The following ADGRL3 variants were observed in gnomAD, a reference collection of about 807,000 sequenced individuals.
ADGRL3 encodes adhesion G protein-coupled receptor L3, also known as calcium-independent alpha-latrotoxin receptor 3.
ADGRL3 carries 62 observed loss-of-function variants against 153.5 expected under a neutral mutation model. The ratio of observed to expected loss-of-function variants is 0.40; its 90% CI spans 0.33 to 0.50. The LOEUF (loss-of-function observed/expected upper bound fraction) is 0.50. Among genes scored for constraint, ADGRL3 ranks in the 20% least tolerant of loss-of-function variants. ADGRL3 has a pLI of 0.47. For missense variants in ADGRL3, 1,641 were observed against 1,859.4 expected, an observed-to-expected ratio of 0.88 and a Z score of 2.16; for synonymous variants, 710 against 672.5, an observed-to-expected ratio of 1.06 and a Z score of -0.86.
intron 13 of ADGRL3, among the ~76,000 whole-genome samples, chr4:61,928,620 T>C (rs561803228): frequency 6.6e-6 from 1 of 152,310 alleles, no homozygotes; most frequent in East Asian, 1.9e-4. Flanking sequence ...TATGGAAAAC[T>C]TTTTATAAGA....
rs181057450 is a variant in ADGRL3 at position 61,241,553 on chromosome 4, A to G, written c.-240+39788A>G. ...TTGTAAATAAATTAATTCTTATTTC[A>G]TATTTGATTTTTATTAAATTTATAG... On this transcript the variant is annotated intron_variant, in intron 1 of 26. Coordinates refer to ENST00000683033, the MANE Select transcript of ADGRL3 (RefSeq NM_001387552.1). 4.5e-3 allele frequency among the ~76,000 whole-genome samples: 683 copies of G among 152,156 alleles called. 1 individual carries two copies. Among genetic ancestry groups the G allele is most frequent in the African/African-American group, 0.015 (626 of 41,548 alleles).
intron 1 of ADGRL3, among the ~76,000 whole-genome samples, chr4:61,312,078 T>C (rs1364416521): frequency 6.6e-6 from 1 of 151,920 alleles, no homozygotes; most frequent in Non-Finnish European, 1.5e-5. Context: ...TTTAAAAAAA[T>C]AAATGGAACA....
intron 25 of ADGRL3, among the ~76,000 whole-genome samples, chr4:62,046,402 G>A (rs763292153): frequency 6.6e-6 from 1 of 151,768 alleles, no homozygotes; most frequent in Non-Finnish European, 1.5e-5. Flanking sequence ...ACTATATAAC[G>A]CTACTAGTTT....
At chr4:61,207,924 T>C (rs566172946) in intron 1 of ADGRL3, among the ~76,000 whole-genome samples, 4 of 152,304 alleles carry the variant, frequency 2.6e-5, no homozygotes, top group Admixed American at 1.3e-4. Context: ...TAAAGAGCCA[T>C]GTAGGATGAG....
intron 24 of ADGRL3, among the ~76,000 whole-genome samples, chr4:62,039,504 A>G (rs568097941): frequency 5.3e-4 from 80 of 152,338 alleles, no homozygotes; most frequent in African/African-American, 1.8e-3. Context: ...AAACTTAAAT[A>G]TAATTGCATG....
intron 6 of ADGRL3, among the ~76,000 whole-genome samples, chr4:61,685,027 T>A (rs2095416689): frequency 6.6e-6 from 1 of 151,796 alleles, no homozygotes; most frequent in Admixed American, 6.6e-5. Context: ...ATTCTCCCCC[T>A]CAGCCTCCCT....
intron 1 of ADGRL3, among the ~76,000 whole-genome samples, chr4:61,278,642 T>C (rs1259230349): frequency 6.6e-6 from 1 of 152,134 alleles, no homozygotes; most frequent in Non-Finnish European, 1.5e-5. Context: ...TAGCTGGGAC[T>C]ACAGGCATGC....
chr4:61,233,429 G>C lies in ADGRL3; in HGVS notation c.-240+31664G>C, dbSNP rs115351515. 5.7e-3 allele frequency among the ~76,000 whole-genome samples: 870 copies of C among 152,018 alleles called. 10 individuals carry two copies. The highest frequency in any genetic ancestry group is 0.02 in the African/African-American group (818 of 41,440). ...CTGCCTTAGTAGATTAATAAAGAAG[G>C]TAATAAGTCCTATGTAGGAAAGAAG... On this transcript the variant is annotated intron_variant, in intron 1 of 26. Transcript: ENST00000683033.
At chr4:61,831,185 G>A (rs529029297) in intron 9 of ADGRL3, among the ~76,000 whole-genome samples, 19 of 151,972 alleles carry the variant, frequency 1.3e-4, no homozygotes, top group Non-Finnish European at 1.6e-4. Flanking sequence ...CACCACACCC[G>A]GCCTAGCTTT....
At chr4:61,383,755 A>G (rs1053654208) in intron 2 of ADGRL3, among the ~76,000 whole-genome samples, 2 of 151,826 alleles carry the variant, frequency 1.3e-5, no homozygotes, top group Non-Finnish European at 3.0e-5. Context: ...TATCAGAAAT[A>G]TGTTTATGAA....
intron 1 of ADGRL3, among the ~76,000 whole-genome samples, chr4:61,301,083 C>G (rs2094569409): frequency 6.6e-6 from 1 of 152,114 alleles, no homozygotes; most frequent in African/African-American, 2.4e-5. Flanking sequence ...TTTCTAAATT[C>G]TAGCATAAAA....
intron 2 of ADGRL3, among the ~76,000 whole-genome samples, chr4:61,471,461 G>GT (rs1464342115): frequency 5.9e-5 from 9 of 151,538 alleles, no homozygotes; most frequent in Non-Finnish European, 1.3e-4. Flanking sequence ...CAATTTGTTT[G>GT]TTTTTTCATT....
chr4:61,432,652 TTC>T (rs1439558524), intron 2 of ADGRL3, among the ~76,000 whole-genome samples: 7 of 90,106 alleles, frequency 7.8e-5, no homozygotes, highest in Non-Finnish European at 1.3e-4. Flanking sequence ...CTTTCTTTCT[TTC>T]TTTTTTTTTT....
In ADGRL3 at chr4:61,393,312, TA is replaced by T. The variant is rs1342503761; in HGVS notation, c.-174+10126del. Among the ~76,000 whole-genome samples, 3 of 152,242 alleles carry T rather than the reference TA, an allele frequency of 2.0e-5. No homozygotes were observed. The East Asian group carries it at 5.8e-4, about 29-fold the overall frequency. ...TTTTTAAAGACCTTAAAAAAATACT[TA>T]AAGAAAAACAGTTTTGGTGCCTGAC... On this transcript the variant is annotated intron_variant, in intron 2 of 26. Transcript: ENST00000683033.
At chr4:61,873,385 T>C (rs1428836641) in intron 9 of ADGRL3, among the ~76,000 whole-genome samples, 2 of 152,246 alleles carry the variant, frequency 1.3e-5, no homozygotes, top group African/African-American at 4.8e-5. Context: ...GCAATTGAGA[T>C]GCTTTGTATT....
intron 2 of ADGRL3, among the ~76,000 whole-genome samples, chr4:61,407,883 C>T (rs186956508): frequency 1.3e-5 from 2 of 152,162 alleles, no homozygotes; most frequent in Admixed American, 6.5e-5. Context: ...ATACAGGGAT[C>T]CTTTATAAAT....
At chr4:61,420,531 C>T (rs150351818) in intron 2 of ADGRL3, 6,100 of 150,982 alleles carry the variant, frequency 0.04, 355 homozygotes, top group East Asian at 0.21. Flanking sequence ...CTCAGCCTCC[C>T]GAGTAGCTGG....
At chr4:61,756,342 G>T (rs1210264684) in intron 8 of ADGRL3, among the ~76,000 whole-genome samples, 1 of 152,136 alleles carries the variant, frequency 6.6e-6, no homozygotes, top group Non-Finnish European at 1.5e-5. Context: ...CACATCCCTT[G>T]TAAGTTGGAT....
intron 8 of ADGRL3, among the ~76,000 whole-genome samples, chr4:61,736,296 GTTTATGGGAGTTAAAACA>G (rs2151859573): frequency 6.6e-6 from 1 of 152,208 alleles, no homozygotes; most frequent in African/African-American, 2.4e-5. Context: ...TTGCTTGTCT[GTTTATGGGAGTTAAAACA>G]TGGTCCATCT....
Sources: gnomAD v4.1 joint callset for allele counts (sites outside exome capture counted in the v4.1 genomes callset) on GRCh38, gnomAD v4.1.1 for gene constraint, MANE v1.5 for transcripts, NCBI Gene and HGNC (gene_info 2026-07-23, HGNC 2026-07-21) for gene names.